KIAA0825: variants seen among roughly 807,000 people sequenced by gnomAD.
The protein encoded by KIAA0825 is uncharacterized protein KIAA0825.
In KIAA0825, 119 loss-of-function variants were observed where a neutral mutation model predicts 147.6. The ratio of observed to expected loss-of-function variants is 0.81; its 90% CI spans 0.69 to 0.94. The LOEUF (loss-of-function observed/expected upper bound fraction) is 0.94. Among genes scored for constraint, KIAA0825 ranks in the 40% least tolerant of loss-of-function variants. KIAA0825 has a pLI of 0.00. For synonymous variants in KIAA0825, 470 were observed against 518.1 expected (o/e 0.91, Z 1.26); for missense variants, 1,381 against 1,472.7 (o/e 0.94, Z 1.02).
At chr5:94,227,255 G>A (rs1287254302) in intron 20 of KIAA0825, among the ~76,000 whole-genome samples, 1 of 152,138 alleles carries the variant, frequency 6.6e-6, no homozygotes, top group South Asian at 2.1e-4. Flanking sequence ...TAGGGACATG[G>A]ATGAAATTGG....
At chr5:94,549,114 A>C (rs894821217) in intron 2 of KIAA0825, among the ~76,000 whole-genome samples, 10 of 152,208 alleles carry the variant, frequency 6.6e-5, no homozygotes, top group Non-Finnish European at 1.3e-4. Context: ...TCCTTTATCC[A>C]ATGGCTGAAG....
At chr5:94,428,188 T>C (rs1196998179) in intron 14 of KIAA0825, among the ~76,000 whole-genome samples, 1 of 148,906 alleles carries the variant, frequency 6.7e-6, no homozygotes, top group Admixed American at 6.7e-5. Flanking sequence ...TGTGTGTGTG[T>C]GTGTGTTTTA....
chr5:94,384,363 A>T lies in KIAA0825; in HGVS notation c.3710+5T>A. ...CCAGACCCCCAAGGTCCCCAATTTTATTACCTGTTTTTGAGCAGCACACTG... is the reference window on the plus strand; with the variant it reads ...CCAGACCCCCAAGGTCCCCAATTTTTTTACCTGTTTTTGAGCAGCACACTG... On this transcript the variant is annotated splice_donor_5th_base_variant and intron_variant, in intron 20 of 20. Transcript: ENST00000682413. 6.4e-7 allele frequency: 1 copy of T among 1,551,296 alleles called. No homozygotes were observed. Among genetic ancestry groups the T allele is most frequent in the Non-Finnish European group, 8.7e-7 (1 of 1,146,590 alleles).
intron 5 of KIAA0825, among the ~76,000 whole-genome samples, chr5:94,499,588 G>T (rs116063834): frequency 0.069 from 8,779 of 127,010 alleles, 1,025 homozygotes; most frequent in African/African-American, 0.27. Context: ...CCCAATCTGG[G>T]GGGGGGGGGG....
intron 2 of KIAA0825, chr5:94,568,310 C>T: frequency 6.3e-6 from 1 of 157,622 alleles, no homozygotes; most frequent in Non-Finnish European, 1.4e-5. Flanking sequence ...TTCCATAGAC[C>T]TCATCATCAA....
At position 94,565,009 on chromosome 5, in the gene KIAA0825, C is replaced by CCTCT. The variant is rs147820367; in HGVS notation, c.-2+17420_-2+17423dup. Among the ~76,000 whole-genome samples the CCTCT allele has an allele frequency of 5.6e-3, 651 of 116,758 alleles. 4 individuals are homozygous for CCTCT. The highest frequency in any genetic ancestry group is 8.5e-3 in the Middle Eastern group (2 of 234). 76.6% of individuals were successfully genotyped at this position (116,758 alleles called of 152,430 possible). ...TTCTCTTCTCCTCTCTCTCTCTCTC[C>CCTCT]CTCTCTCTCTCTCTCTCTCTTTCTT... On this transcript the variant is annotated intron_variant, in intron 2 of 20. Transcript: ENST00000682413.
chr5:94,384,409 C>G lies in KIAA0825; in HGVS notation c.3669G>C (p.Leu1223=), dbSNP rs1449126340. Residue 1223 remains leucine, a synonymous_variant, in exon 20 of 21, where the codon CTG becomes CTC. Coordinates refer to ENST00000682413, the MANE Select transcript of KIAA0825 (RefSeq NM_001145678.3). ...CACTGAAGGTCATCTTATCCAGTCT[C>G]AGATAATTTGGCAGCAACTTTGCCC... ...WNWAKLLPNY[L]RLDKMTFSVL... is the part of the protein sequence containing the mutation. 6.4e-7 allele frequency: 1 copy of G among 1,551,866 alleles called. No homozygotes were observed. Among genetic ancestry groups the G allele is most frequent in the Non-Finnish European group, 8.7e-7 (1 of 1,146,994 alleles).
At chr5:94,294,809 T>C (rs982500232) in intron 20 of KIAA0825, among the ~76,000 whole-genome samples, 8 of 152,214 alleles carry the variant, frequency 5.3e-5, no homozygotes, top group African/African-American at 1.9e-4. Context: ...CTGATGGGCT[T>C]CCCTTTGTGG....
intron 20 of KIAA0825, among the ~76,000 whole-genome samples, chr5:94,296,438 G>A (rs751479011): frequency 9.9e-5 from 15 of 152,036 alleles, no homozygotes; most frequent in South Asian, 2.1e-4. Context: ...TGTTCCAGGC[G>A]CCACTGGGGT....
intron 3 of KIAA0825, among the ~76,000 whole-genome samples, chr5:94,534,610 C>T (rs1256908454): frequency 6.6e-6 from 1 of 152,066 alleles, no homozygotes; most frequent in African/African-American, 2.4e-5. Context: ...CTTTTTAACA[C>T]TAACATCTGA....
At chr5:94,536,744 T>A (rs1269627374) in intron 3 of KIAA0825, among the ~76,000 whole-genome samples, 1 of 152,186 alleles carries the variant, frequency 6.6e-6, no homozygotes, top group Non-Finnish European at 1.5e-5. Flanking sequence ...TAAGAAAACA[T>A]TAGTGCCAAT....
chr5:94,436,140 T>C (rs1756346385), intron 14 of KIAA0825, among the ~76,000 whole-genome samples: 1 of 152,240 alleles, frequency 6.6e-6, no homozygotes, highest in Admixed American at 6.5e-5. Context: ...TTAGATTCCA[T>C]GTGTCAATTT....
chr5:94,208,436 A>G (rs947637533), intron 20 of KIAA0825, among the ~76,000 whole-genome samples: 3 of 152,200 alleles, frequency 2.0e-5, no homozygotes, highest in Admixed American at 2.0e-4. Context: ...ATATGAGGCA[A>G]TGAGTTAGAT....
At chr5:94,353,178 A>T (rs1246248474) in intron 20 of KIAA0825, among the ~76,000 whole-genome samples, 5 of 152,184 alleles carry the variant, frequency 3.3e-5, no homozygotes, top group East Asian at 1.9e-4. Flanking sequence ...TACTTTTTTT[A>T]AAAAAACTAT....
chr5:94,334,098 C>A (rs376202227), intron 20 of KIAA0825, among the ~76,000 whole-genome samples: 1 of 152,144 alleles, frequency 6.6e-6, no homozygotes, highest in African/African-American at 2.4e-5. Context: ...TTAGAAGGAA[C>A]TTTCTTAACC....
At chr5:94,228,059 A>C (rs900143898) in intron 20 of KIAA0825, among the ~76,000 whole-genome samples, 1 of 152,188 alleles carries the variant, frequency 6.6e-6, no homozygotes. Flanking sequence ...AATGTGTCTT[A>C]GTCCATCCAT....
chr5:94,377,831 C>T (rs1747805471), intron 20 of KIAA0825, among the ~76,000 whole-genome samples: 1 of 152,126 alleles, frequency 6.6e-6, no homozygotes, highest in Non-Finnish European at 1.5e-5. Context: ...AAAATAATCA[C>T]TCATAATTAG....
chr5:94,601,393 T>A (rs1445594180), intron 1 of KIAA0825, among the ~76,000 whole-genome samples: 1 of 151,546 alleles, frequency 6.6e-6, no homozygotes, highest in East Asian at 1.9e-4. Context: ...CCAAACCCCA[T>A]CCAAAGGTCA....
intron 13 of KIAA0825, among the ~76,000 whole-genome samples, chr5:94,451,228 C>T (rs562920976): frequency 6.6e-6 from 1 of 152,230 alleles, no homozygotes; most frequent in Non-Finnish European, 1.5e-5. Context: ...AAACCCAGCC[C>T]TTTAATCACT....
Sources: gnomAD v4.1 joint callset for allele counts (sites outside exome capture counted in the v4.1 genomes callset) on GRCh38, gnomAD v4.1.1 for gene constraint, MANE v1.5 for transcripts, NCBI Gene and HGNC (gene_info 2026-07-23, HGNC 2026-07-21) for gene names.